The following ZNF782 variants were observed in gnomAD, a reference collection of about 807,000 sequenced individuals.
The protein encoded by ZNF782 is zinc finger protein 782.
ZNF782 carries 12 observed loss-of-function variants against 13.0 expected under a neutral mutation model. That is an observed-to-expected ratio of 0.92 (90% CI 0.59 to 1.50). ZNF782 has a LOEUF of 1.50. Among genes scored for constraint, ZNF782 ranks in the 40% most tolerant of loss-of-function variants. The pLI is 0.00. For synonymous variants in ZNF782, 284 were observed against 283.0 expected (o/e 1.00, Z -0.04); for missense variants, 770 against 822.9 (o/e 0.94, Z 0.79).
the ZNF782 span, among the ~76,000 whole-genome samples, chr9:96,924,793 G>A: frequency 3.9e-5 from 6 of 152,354 alleles, no homozygotes; most frequent in South Asian, 2.1e-4. Flanking sequence ...TGAGCAGCAC[G>A]GCCGAGACAA....
In ZNF782 at chr9:96,818,033, GTACT is replaced by G; in HGVS notation, c.1986_1989del (p.Arg662SerfsTer49). On this transcript the variant is annotated frameshift_variant, in exon 6 of 6. Transcript: ENST00000481138. LOFTEE classifies it low-confidence loss of function (END_TRUNC). Reference sequence around the variant, plus strand: ...TTCTCCCCTGTGTGAGTTCTCTGATGTACTCTGAGATTGGATTTCTGACTGAAAG... The same window carrying G: ...TTCTCCCCTGTGTGAGTTCTCTGATGCTGAGATTGGATTTCTGACTGAAAG... 2 of 1,613,972 alleles carry G rather than the reference GTACT, an allele frequency of 1.2e-6. No individual in the cohort carries two copies. Among genetic ancestry groups the G allele is most frequent in the Non-Finnish European group, 1.7e-6 (2 of 1,179,914 alleles).
the ZNF782 span, among the ~76,000 whole-genome samples, chr9:96,897,678 C>G: frequency 6.6e-6 from 1 of 150,828 alleles, no homozygotes; most frequent in Non-Finnish European, 1.5e-5. Flanking sequence ...GTGCTTGTCC[C>G]GGTGGTGCTC....
intron 4 of ZNF782, among the ~76,000 whole-genome samples, chr9:96,833,044 G>A (rs1192353092): frequency 2.0e-5 from 3 of 152,088 alleles, no homozygotes; most frequent in Admixed American, 2.0e-4. Flanking sequence ...CTGTCATAAA[G>A]TTCAGCAATT....
the ZNF782 span, among the ~76,000 whole-genome samples, chr9:96,882,433 C>T: frequency 2.0e-5 from 3 of 152,080 alleles, no homozygotes; most frequent in Non-Finnish European, 4.4e-5. Flanking sequence ...AAAAATTAGG[C>T]ATTTCTTTTT....
chr9:96,887,326 GAAGGAAGGAAGGAAGA>G, the ZNF782 span: 58 of 140,306 alleles, frequency 4.1e-4, no homozygotes, highest in East Asian at 2.6e-3. Context: ...AGGAAGGAAG[GAAGGAAGGAAGGAAGA>G]AAGAAAGAAA....
chr9:96,822,458 A>T (rs533714737), intron 5 of ZNF782, among the ~76,000 whole-genome samples: 2 of 152,346 alleles, frequency 1.3e-5, no homozygotes, highest in South Asian at 4.1e-4. Flanking sequence ...GAGTTTACAA[A>T]AAGAAGAGAT....
Position 96,844,946 on chromosome 9 carries a change from T to G in ZNF782, c.86A>C (p.Glu29Ala). The change falls in exon 4 of 6, where the codon GAG becomes GCG. Residue 29 changes from glutamate to alanine, a missense_variant. Physicochemically the swap from Glu to Ala is moderately radical, Grantham distance 107. Coordinates refer to ENST00000481138, the MANE Select transcript of ZNF782 (RefSeq NM_001001662.3). The part of the protein sequence containing the change: ...QEEWQHMGPV[E>A]RTLYRDVMLE... ...CATCACATCTCTGTACAGGGTCCTC[T>G]CAACAGGGCCCATGTGCTGCCACTC... The G allele has an allele frequency of 1.1e-5, 17 of 1,613,944 alleles. No individual in the cohort carries two copies. The highest frequency in any genetic ancestry group is 1.4e-5 in the Non-Finnish European group (17 of 1,179,918).
the ZNF782 span, among the ~76,000 whole-genome samples, chr9:96,884,045 C>T: frequency 6.6e-6 from 1 of 152,226 alleles, no homozygotes; most frequent in Non-Finnish European, 1.5e-5. Flanking sequence ...CAAACACCAA[C>T]AGAAAAGCTG....
the ZNF782 span, chr9:96,929,076 C>A: frequency 6.2e-7 from 1 of 1,610,856 alleles, no homozygotes; most frequent in African/African-American, 1.4e-5. Flanking sequence ...TCCTAGTCTG[C>A]CTTGCCTCAA....
intron 5 of ZNF782, among the ~76,000 whole-genome samples, chr9:96,820,842 A>G (rs1850395065): frequency 6.6e-6 from 1 of 152,126 alleles, no homozygotes; most frequent in African/African-American, 2.4e-5. Flanking sequence ...GAGCCACCAC[A>G]TCCGGCCAAT....
At chr9:96,911,509 T>G in the ZNF782 span, among the ~76,000 whole-genome samples, 2 of 147,544 alleles carry the variant, frequency 1.4e-5, no homozygotes, top group East Asian at 4.4e-4. Context: ...GTTTTTTTTT[T>G]GTTTTTGTTT....
the ZNF782 span, among the ~76,000 whole-genome samples, chr9:96,885,363 G>T: frequency 6.6e-6 from 1 of 152,068 alleles, no homozygotes; most frequent in South Asian, 2.1e-4. Context: ...AAGCCTGCTG[G>T]ATATGCTCAA....
chr9:96,846,980 A>G (rs1477010059), intron 3 of ZNF782, among the ~76,000 whole-genome samples: 1 of 152,206 alleles, frequency 6.6e-6, no homozygotes, highest in Non-Finnish European at 1.5e-5. Flanking sequence ...TCGAAATCAT[A>G]TCAAGTATCT....
In ZNF782 at chr9:96,864,099, A is replaced by C. The variant is rs1385415407; in HGVS notation, c.-456-2496T>G. Among the ~76,000 whole-genome samples the C allele has an allele frequency of 3.4e-5, 5 of 148,836 alleles. No homozygotes were observed. The East Asian group carries it at 7.8e-4, about 23-fold the overall frequency. The stretch of plus-strand genomic sequence containing the variant: ...CATACACACACATATATTTGTTTAT[A>C]TATAAATATATAAAACGTATATATA... On this transcript the variant is annotated intron_variant, in intron 1 of 5. Coordinates refer to the ZNF782 transcript ENST00000498811.
chr9:96,875,993 C>T (rs778717929), upstream of ZNF782, among the ~76,000 whole-genome samples: 4 of 152,220 alleles, frequency 2.6e-5, no homozygotes, highest in Non-Finnish European at 5.9e-5. Context: ...CGACTTACTT[C>T]GCAGCGTTTT....
chr9:96,885,777 A>G, the ZNF782 span, among the ~76,000 whole-genome samples: 3 of 152,040 alleles, frequency 2.0e-5, no homozygotes, highest in Non-Finnish European at 4.4e-5. Flanking sequence ...CAGAGCCTCA[A>G]TTTAAATAAC....
At chr9:96,867,962 G>A (rs1467215638) in intron 1 of ZNF782, among the ~76,000 whole-genome samples, 3 of 152,068 alleles carry the variant, frequency 2.0e-5, no homozygotes, top group Non-Finnish European at 4.4e-5. Context: ...TTAAATAAAT[G>A]GAGAAAAATT....
chr9:96,903,556 G>GTTGTTT, the ZNF782 span, among the ~76,000 whole-genome samples: 1 of 75,470 alleles, frequency 1.3e-5, no homozygotes, highest in Admixed American at 2.3e-4. Context: ...TTTTATGTTG[G>GTTGTTT]TTTTTTTTTT....
At position 96,850,576 on chromosome 9, in the gene ZNF782, C is replaced by T. The variant is rs1053364892; in HGVS notation, c.15+1371G>A. ...ACAATGTACACTACTTGTCAGACCA[C>T]GGGTGAACTAAAATCTCAGAATTCA... On this transcript the variant is annotated intron_variant, in intron 3 of 5. Transcript: ENST00000481138. The surrounding 1 kb of genome is among the most constrained non-coding windows in gnomAD (Gnocchi z 4.3). Among the ~76,000 whole-genome samples, 4 of 152,064 alleles carry T rather than the reference C, an allele frequency of 2.6e-5. No individual in the cohort carries two copies. The highest frequency in any genetic ancestry group is 4.4e-5 in the Non-Finnish European group (3 of 68,012).
Sources: allele counts gnomAD v4.1 joint callset (sites outside exome capture counted in the v4.1 genomes callset), GRCh38; gene constraint gnomAD v4.1.1; non-coding constraint Gnocchi (gnomAD v3.1); transcripts MANE v1.5; gene names NCBI Gene and HGNC (gene_info 2026-07-23, HGNC 2026-07-21).